The following IL1RAPL1 variants were observed in gnomAD, a reference collection of about 807,000 sequenced individuals.
IL1RAPL1 encodes the protein interleukin-1 receptor accessory protein-like 1.
A neutral mutation model predicts 48.4 loss-of-function variants in IL1RAPL1; 3 were observed. That is an observed-to-expected ratio of 0.06 (90% CI 0.03 to 0.16). IL1RAPL1 has a LOEUF of 0.16. Among genes scored for constraint, IL1RAPL1 ranks in the 10% least tolerant of loss-of-function variants. IL1RAPL1 has a pLI of 1.00. For synonymous variants in IL1RAPL1, 185 were observed against 187.7 expected, an observed-to-expected ratio of 0.99 and a Z score of 0.12; for missense variants, 349 against 530.6, an observed-to-expected ratio of 0.66 and a Z score of 3.36.
At chrX:29,694,333 G>C (rs1398488961) in intron 6 of IL1RAPL1, among the ~76,000 whole-genome samples, 1 of 112,020 alleles carries the variant, frequency 8.9e-6, no homozygotes, top group East Asian at 2.8e-4. Context: ...GTTAGAGCAA[G>C]AGATTTCCCA....
rs766591494 is a variant in IL1RAPL1 at position 29,365,465 on chromosome X, G to A, written c.363-30793G>A. 6.2e-5 allele frequency among the ~76,000 whole-genome samples: 7 copies of A among 112,635 alleles called. No homozygotes were observed. The South Asian group carries it at 2.6e-3, about 41-fold the overall frequency. ...AATCCTAGCACTTTGGGAAGCCAAG[G>A]CGGGTGGATCACTTGAGGCCAGGAG... On this transcript the variant is annotated intron_variant, in intron 3 of 10. Coordinates refer to ENST00000378993, the MANE Select transcript of IL1RAPL1 (RefSeq NM_014271.4).
intron 1 of IL1RAPL1, among the ~76,000 whole-genome samples, chrX:28,675,941 G>A (rs746105904): frequency 3.6e-5 from 4 of 111,863 alleles, no homozygotes; most frequent in African/African-American, 6.5e-5. Context: ...GTTGTTTGGG[G>A]TAACTACATT....
chrX:28,691,972 T>G (rs1288941495), intron 1 of IL1RAPL1, among the ~76,000 whole-genome samples: 1 of 111,586 alleles, frequency 9.0e-6, no homozygotes, highest in Non-Finnish European at 1.9e-5. Context: ...CTGCTCTGTT[T>G]CTGGTGAGGG....
At chrX:29,806,393 A>G (rs1211307670) in intron 6 of IL1RAPL1, among the ~76,000 whole-genome samples, 2 of 112,080 alleles carry the variant, frequency 1.8e-5, no homozygotes, top group African/African-American at 6.5e-5. Flanking sequence ...AAGGCATAAA[A>G]TGTATCTAAA....
chrX:29,748,664 C>A (rs1928390692), intron 6 of IL1RAPL1, among the ~76,000 whole-genome samples: 1 of 112,863 alleles, frequency 8.9e-6, no homozygotes, highest in Non-Finnish European at 1.9e-5. Flanking sequence ...AGGTTTTTGG[C>A]CCCCAGGCCA....
chrX:29,802,828 TAC>T (rs1418615686), intron 6 of IL1RAPL1, among the ~76,000 whole-genome samples: 9 of 71,310 alleles, frequency 1.3e-4, no homozygotes, highest in African/African-American at 3.7e-4. Context: ...TATATATGTA[TAC>T]ATATATGTAT....
At chrX:28,627,256 T>C (rs1255362298) in intron 1 of IL1RAPL1, among the ~76,000 whole-genome samples, 5 of 111,842 alleles carry the variant, frequency 4.5e-5, no homozygotes, top group Non-Finnish European at 7.5e-5. Context: ...AAGATAAAGA[T>C]TTAATGAAGG....
chrX:29,580,150 T>TC (rs1302908327), intron 5 of IL1RAPL1, among the ~76,000 whole-genome samples: 1 of 109,477 alleles, frequency 9.1e-6, no homozygotes, highest in Non-Finnish European at 1.9e-5. Context: ...TTTTTTTTTT[T>TC]CACTTTGACG....
At chrX:29,429,894 G>GT (rs34694649) in intron 5 of IL1RAPL1, among the ~76,000 whole-genome samples, 4,914 of 85,014 alleles carry the variant, frequency 0.058, 236 homozygotes, top group African/African-American at 0.14. Context: ...GTGTGTGTGT[G>GT]GTGTGTGTGT....
chrX:29,069,632 C>CACACACAT (rs1927521643), intron 2 of IL1RAPL1, among the ~76,000 whole-genome samples: 2 of 98,110 alleles, frequency 2.0e-5, no homozygotes, highest in Non-Finnish European at 4.0e-5. Flanking sequence ...CTATAGAACA[C>CACACACAT]ACACACACAC....
chrX:29,222,028 A>AAC (rs1396178205), intron 2 of IL1RAPL1, among the ~76,000 whole-genome samples: 2 of 108,924 alleles, frequency 1.8e-5, no homozygotes, highest in African/African-American at 6.7e-5. Context: ...AAAAAAAAAA[A>AAC]AAAAAACCTG....
At chrX:29,941,841 T>G in intron 9 of IL1RAPL1, 47 bp downstream of exon 9, 1 of 1,151,638 alleles carries the variant, frequency 8.7e-7, no homozygotes, top group Non-Finnish European at 1.2e-6. Context: ...TTCTAATTTC[T>G]TTCTTGTCTT....
intron 5 of IL1RAPL1, among the ~76,000 whole-genome samples, chrX:29,651,255 G>C (rs770146439): frequency 3.6e-5 from 4 of 111,202 alleles, no homozygotes; most frequent in South Asian, 3.8e-4. Flanking sequence ...ATATGATCCA[G>C]TAATTCCACT....
intron 6 of IL1RAPL1, among the ~76,000 whole-genome samples, chrX:29,749,862 G>A (rs1483901504): frequency 2.7e-5 from 3 of 112,124 alleles, no homozygotes; most frequent in African/African-American, 9.7e-5. Flanking sequence ...ACTGTTTTAT[G>A]TGGGGGTATG....
chrX:29,505,520 GT>G (rs1446018163), intron 5 of IL1RAPL1, among the ~76,000 whole-genome samples: 1 of 110,605 alleles, frequency 9.0e-6, no homozygotes, highest in Admixed American at 9.5e-5. Flanking sequence ...CAGATAAAGT[GT>G]TTTTGAATGG....
At chrX:29,780,050 G>A (rs1156545350) in intron 6 of IL1RAPL1, among the ~76,000 whole-genome samples, 3 of 110,844 alleles carry the variant, frequency 2.7e-5, no homozygotes, top group African/African-American at 9.8e-5. Context: ...GACGAAGGGT[G>A]TATTTTTAGC....
intron 1 of IL1RAPL1, among the ~76,000 whole-genome samples, chrX:28,657,525 A>G (rs1435567368): frequency 8.9e-6 from 1 of 112,616 alleles, no homozygotes; most frequent in Non-Finnish European, 1.9e-5. Flanking sequence ...TGAGGTTCTA[A>G]GGGAATTTGA....
rs748936337 is a variant in IL1RAPL1, at chrX:29,674,918, A to G, written c.778+6414A>G. 4.6e-3 allele frequency among the ~76,000 whole-genome samples: 513 copies of G among 112,372 alleles called. 3 individuals are homozygous for G. Among genetic ancestry groups the G allele is most frequent in the African/African-American group, 0.016 (494 of 30,968 alleles). ...ATGATCTCATTCTTTTTATGGCCGC[A>G]TGGCATTCTGTAGTGTATATGTACC... On this transcript the variant is annotated intron_variant, in intron 6 of 10. Transcript: ENST00000378993.
chrX:29,163,827 G>C (rs1024524719), intron 2 of IL1RAPL1, among the ~76,000 whole-genome samples: 6 of 111,658 alleles, frequency 5.4e-5, no homozygotes, highest in African/African-American at 9.7e-5. Flanking sequence ...GATATTTTCA[G>C]CTAACCACCA....
Sources: allele counts gnomAD v4.1 joint callset (sites outside exome capture counted in the v4.1 genomes callset), GRCh38; gene constraint gnomAD v4.1.1; transcripts MANE v1.5; gene names NCBI Gene and HGNC (gene_info 2026-07-23, HGNC 2026-07-21).